CAPN1: variants seen among roughly 807,000 people sequenced by gnomAD.
CAPN1 encodes calpain 1.
A neutral mutation model predicts 105.2 loss-of-function variants in CAPN1; 77 were observed. That is an observed-to-expected ratio of 0.73 (90% CI 0.61 to 0.88). The LOEUF (loss-of-function observed/expected upper bound fraction) is 0.88, where lower values mean the gene tolerates loss of function less well. Among genes scored for constraint, CAPN1 ranks in the 40% least tolerant of loss-of-function variants. The pLI is 0.00. For missense variants in CAPN1, 833 were observed against 976.6 expected (o/e 0.85, Z 1.96); for synonymous variants, 355 against 388.8 (o/e 0.91, Z 1.02).
rs375532639 is a variant in CAPN1, at chr11:65,188,646, C to G, written c.1065C>G (p.Pro355=). 6.2e-6 allele frequency: 10 copies of G among 1,613,828 alleles called. 1 individual carries two copies. In the Middle Eastern group the frequency reaches 4.9e-4, roughly 80 times the overall value. The change falls in exon 10 of 22, where the codon CCC becomes CCG. Residue 355 remains proline, a synonymous_variant. Coordinates refer to ENST00000279247, the MANE Select transcript of CAPN1 (RefSeq NM_005186.4). The surrounding 1 kb of genome is among the most constrained non-coding windows in gnomAD (Gnocchi z 5.5). ...GCCTGGAGATCTGCAACCTCACACCCGACGCCCTCAAGAGCCGGACCATCC... is the reference window on the plus strand; with the variant it reads ...GCCTGGAGATCTGCAACCTCACACCGGACGCCCTCAAGAGCCGGACCATCC... The part of the protein sequence containing the change: ...FTRLEICNLT[P]DALKSRTIRK...
At position 65,187,980 on chromosome 11, in the gene CAPN1, G is replaced by C; in HGVS notation, c.869G>C (p.Ser290Thr). The C allele has an allele frequency of 1.3e-6, 2 of 1,563,114 alleles. No individual in the cohort carries two copies. Among genetic ancestry groups the C allele is most frequent in the Non-Finnish European group, 8.7e-7 (1 of 1,153,796 alleles). Residue 290 changes from serine (S) to threonine (T), a missense_variant, in exon 8 of 22, where the codon AGC (serine) becomes ACC (threonine). Ser to Thr is a moderately conservative substitution (Grantham distance 58, BLOSUM62 1). Coordinates refer to ENST00000279247, the MANE Select transcript of CAPN1 (RefSeq NM_005186.4). ...KQVNYRGQVV[S>T]LIRMRNPWGE... Reference sequence around the variant, plus strand: ...GTGAACTACCGAGGCCAGGTGGTGAGCCTGATCCGGATGCGGAACCCCTGG... The same window carrying C: ...GTGAACTACCGAGGCCAGGTGGTGACCCTGATCCGGATGCGGAACCCCTGG...
intron 10 of CAPN1, among the ~76,000 whole-genome samples, chr11:65,190,781 C>T (rs1008889573): frequency 6.6e-6 from 1 of 151,290 alleles, no homozygotes; most frequent in African/African-American, 2.4e-5. Context: ...GGCGCGATCT[C>T]GGCTCACTGC....
At chr11:65,197,210 C>T (rs1295798434) in intron 10 of CAPN1, among the ~76,000 whole-genome samples, 2 of 84,818 alleles carry the variant, frequency 2.4e-5, no homozygotes, top group African/African-American at 6.4e-5. Flanking sequence ...TCTGCTTAAT[C>T]TATCAATTAC....
At chr11:65,192,677 A>C (rs1948734582) in intron 10 of CAPN1, among the ~76,000 whole-genome samples, 1 of 150,720 alleles carries the variant, frequency 6.6e-6, no homozygotes, top group Non-Finnish European at 1.5e-5. Context: ...TTTTAGAGAG[A>C]GGTTACTCAC....
intron 11 of CAPN1, 80 bp downstream of exon 11, chr11:65,204,938 T>A (rs942544419): frequency 6.4e-5 from 80 of 1,241,054 alleles, no homozygotes; most frequent in Non-Finnish European, 9.0e-5. Flanking sequence ...CAGGCGGGCT[T>A]CCACCAGGGG....
Position 65,206,849 on chromosome 11 carries a change from C to T in CAPN1, c.1605+30C>T, listed in dbSNP as rs766300405. The T allele has an allele frequency of 1.9e-6, 3 of 1,599,686 alleles. No individual in the cohort carries two copies. The South Asian group carries it at 3.4e-5, about 18-fold the overall frequency. On this transcript the variant is annotated intron_variant, in intron 14 of 21. Coordinates refer to ENST00000279247, the MANE Select transcript of CAPN1 (RefSeq NM_005186.4). ...GTGGTCCCACCCCACCAGGCCCCGT[C>T]CTCCTCTCTTCCTCACCCCTGGGTG...
rs563834232 is a variant in CAPN1, at chr11:65,188,711, G to A, written c.1130G>A (p.Arg377Gln). 8.7e-6 allele frequency: 14 copies of A among 1,601,020 alleles called. No individual in the cohort carries two copies. Among genetic ancestry groups the A allele is most frequent in the Admixed American group, 3.4e-5 (2 of 57,978 alleles). The change falls in exon 10 of 22, where the codon CGG becomes CAG. Residue 377 changes from arginine to glutamine, a missense_variant. Physicochemically the swap from Arg to Gln is conservative, Grantham distance 43. Transcript: ENST00000279247. This position sits in a 1 kb window ranked among gnomAD's most constrained non-coding sequence, Gnocchi z 5.5. Reference protein sequence around the residue: ...NTTLYEGTWRRGSTAGGCRNY... With the variant: ...NTTLYEGTWRQGSTAGGCRNY... ...ACACTCTACGAAGGCACCTGGCGGC[G>A]GGGGAGCACCGCGGGGGGCTGCCGA...
chr11:65,206,803 C>A lies in CAPN1; in HGVS notation c.1589C>A (p.Ala530Asp). Residue 530 changes from alanine to aspartate, a missense_variant, in exon 14 of 22, where the codon GCC becomes GAC. Physicochemically the swap from Ala to Asp is moderately radical, Grantham distance 126. Coordinates refer to ENST00000279247, the MANE Select transcript of CAPN1 (RefSeq NM_005186.4). Reference protein sequence around the residue: ...GTVELDDQIQANLPDEQVLSE... With the variant: ...GTVELDDQIQDNLPDEQVLSE... Reference sequence around the variant, plus strand: ...AGGGAGCTGGATGACCAGATCCAGGCCAATCTCCCCGATGAGGTGCGTGGT... The same window carrying A: ...AGGGAGCTGGATGACCAGATCCAGGACAATCTCCCCGATGAGGTGCGTGGT... 6.2e-7 allele frequency: 1 copy of A among 1,612,618 alleles called. No individual in the cohort carries two copies. The highest frequency in any genetic ancestry group is 1.1e-5 in the South Asian group (1 of 90,764).
chr11:65,183,318 G>C, intron 3 of CAPN1, 121 bp downstream of exon 3: 2 of 1,169,348 alleles, frequency 1.7e-6, no homozygotes, highest in Non-Finnish European at 2.5e-6. Context: ...GGCTATCAGC[G>C]CTGGGGCTGG....
Position 65,208,244 on chromosome 11 carries a change from A to G in CAPN1, c.1711A>G (p.Asn571Asp), listed in dbSNP as rs1590866658. 2 of 1,569,846 alleles carry G rather than the reference A, an allele frequency of 1.3e-6. No individual in the cohort carries two copies. The highest frequency in any genetic ancestry group is 2.4e-5 in the East Asian group (1 of 42,298). The stretch of plus-strand genomic sequence containing the variant: ...CGTGAAGGAGTTGCGGACAATCCTC[A>G]ATAGGATCATCAGCAAACGTGAGTC... ...ISVKELRTIL[N>D]RIISKHKDLR... The change falls in exon 16 of 22, where the codon AAT becomes GAT. Residue 571 changes from asparagine to aspartate, a missense_variant. Asn to Asp is a conservative substitution (Grantham distance 23). Transcript: ENST00000279247. The surrounding 1 kb of genome is among the most constrained non-coding windows in gnomAD (Gnocchi z 4.1).
chr11:65,184,186 C>G (rs945599732), intron 4 of CAPN1, among the ~76,000 whole-genome samples: 5 of 152,176 alleles, frequency 3.3e-5, no homozygotes, highest in African/African-American at 1.2e-4. Flanking sequence ...CAGCCCTGCC[C>G]GAAGGACTCT....
At position 65,210,579 on chromosome 11, in the gene CAPN1, C is replaced by T. The variant is rs1949033209; in HGVS notation, c.2059+127C>T. 4.1e-6 allele frequency: 3 copies of T among 737,660 alleles called. No homozygotes were observed. The African/African-American group carries it at 5.2e-5, about 13-fold the overall frequency. The allele number at this position is 737,660 out of a possible 1,614,324, so 45.7% of individuals were successfully genotyped here. ...GTGCTGTGGGTGTGTGCCAGAGAGG[C>T]CTGGGTCTGGGTTTGGGGGGCCCTG... On this transcript the variant is annotated intron_variant, in intron 20 of 21. Coordinates refer to ENST00000279247, the MANE Select transcript of CAPN1 (RefSeq NM_005186.4). This position sits in a 1 kb window ranked among gnomAD's most constrained non-coding sequence, Gnocchi z 4.3.
chr11:65,187,221 A>C lies in CAPN1; in HGVS notation c.766A>C (p.Ser256Arg), dbSNP rs773271122. ...TGTGTGCCTCTTTCTGCAGATCTCC[A>C]GCGTTCTAGACATGGAGGCCATCAC... ...SLLGCSIDIS[S>R]VLDMEAITFK... The change falls in exon 7 of 22, where the codon AGC (serine) becomes CGC (arginine). Residue 256 changes from serine to arginine, a missense_variant. Transcript: ENST00000279247. 3 of 1,612,242 alleles carry C rather than the reference A, an allele frequency of 1.9e-6. No individual in the cohort carries two copies. Among genetic ancestry groups the C allele is most frequent in the Non-Finnish European group, 1.7e-6 (2 of 1,179,042 alleles).
At chr11:65,190,735 C>T (rs865792808) in intron 10 of CAPN1, among the ~76,000 whole-genome samples, 5 of 145,560 alleles carry the variant, frequency 3.4e-5, no homozygotes, top group African/African-American at 5.0e-5. Flanking sequence ...TTTTTTGAGA[C>T]GGAGTCTTGC....
chr11:65,200,824 G>A (rs1293787125), intron 10 of CAPN1, among the ~76,000 whole-genome samples: 1 of 151,254 alleles, frequency 6.6e-6, no homozygotes. Flanking sequence ...GGAGAGATGG[G>A]GTCTTGCTAG....
chr11:65,200,532 A>G (rs1454225127), intron 10 of CAPN1, among the ~76,000 whole-genome samples: 1 of 152,084 alleles, frequency 6.6e-6, no homozygotes, highest in Non-Finnish European at 1.5e-5. Context: ...TTTAGTAGAG[A>G]CAGGGTTTCA....
intron 11 of CAPN1, among the ~76,000 whole-genome samples, chr11:65,205,389 T>C (rs547202520): frequency 6.6e-6 from 1 of 152,296 alleles, no homozygotes; most frequent in South Asian, 2.1e-4. Flanking sequence ...CCAAACCCCC[T>C]GGCAGCAGCC....
chr11:65,182,696 G>A lies in CAPN1; in HGVS notation c.-1-5G>A, dbSNP rs760603884. 2.6e-6 allele frequency: 4 copies of A among 1,547,386 alleles called. No homozygotes were observed. In the South Asian group the frequency reaches 3.7e-5, roughly 14 times the overall value. Reference sequence around the variant, plus strand: ...GGGTTCTGAGCAGGCCCATCTGTCCGGCAGGATGTCGGAGGAGATCATCAC... The same window carrying A: ...GGGTTCTGAGCAGGCCCATCTGTCCAGCAGGATGTCGGAGGAGATCATCAC... On this transcript the variant is annotated splice_region_variant and splice_polypyrimidine_tract_variant and intron_variant, in intron 1 of 21. Transcript: ENST00000279247.
At chr11:65,207,575 G>GGGGCA (rs558889500) in intron 14 of CAPN1, among the ~76,000 whole-genome samples, 1,630 of 152,070 alleles carry the variant, frequency 0.011, 18 homozygotes, top group Non-Finnish European at 0.017. Flanking sequence ...GATATGGGGC[G>GGGGCA]GGGCAGGGCA....
Sources: gnomAD v4.1 joint callset for allele counts (sites outside exome capture counted in the v4.1 genomes callset) on GRCh38, gnomAD v4.1.1 for gene constraint, Gnocchi (gnomAD v3.1) non-coding constraint, MANE v1.5 for transcripts, NCBI Gene and HGNC (gene_info 2026-07-23, HGNC 2026-07-21) for gene names.